Variants in PCNX4 observed in about 807,000 individuals in gnomAD.
The protein encoded by PCNX4 is pecanex 4.
In PCNX4, 103 loss-of-function variants were observed where a neutral mutation model predicts 107.2. The ratio of observed to expected loss-of-function variants is 0.96; its 90% CI spans 0.82 to 1.13. The LOEUF (loss-of-function observed/expected upper bound fraction) is 1.13, where lower values mean the gene tolerates loss of function less well. Among genes scored for constraint, PCNX4 ranks in the 50% most tolerant of loss-of-function variants. PCNX4 has a pLI of 0.00. For synonymous variants in PCNX4, 541 were observed against 481.7 expected, an observed-to-expected ratio of 1.12 and a Z score of -1.61; for missense variants, 1,528 against 1,379.4, an observed-to-expected ratio of 1.11 and a Z score of -1.71.
intron 2 of PCNX4, among the ~76,000 whole-genome samples, chr14:60,111,558 A>G (rs988847641): frequency 4.6e-5 from 7 of 152,204 alleles, no homozygotes; most frequent in African/African-American, 1.7e-4. Flanking sequence ...TCAGAATACA[A>G]ATTCTTGAGT....
At chr14:60,105,725 G>A (rs1895616217) in intron 1 of PCNX4, among the ~76,000 whole-genome samples, 1 of 152,132 alleles carries the variant, frequency 6.6e-6, no homozygotes, top group Admixed American at 6.5e-5. Flanking sequence ...TACTAAAAGG[G>A]AAATGAATAG....
chr14:60,103,628 T>C (rs1489133899), intron 1 of PCNX4, among the ~76,000 whole-genome samples: 3 of 152,250 alleles, frequency 2.0e-5, no homozygotes, highest in Non-Finnish European at 1.5e-5. Context: ...CACTCAATTC[T>C]TGATTTCTCC....
At position 60,115,003 on chromosome 14, in the gene PCNX4, GA is replaced by G. The variant is rs756907810; in HGVS notation, c.901del (p.Thr301GlnfsTer3). ...TTAGTAATGTTCATCATGTCTGCTG[GA>G]ACAGCTATAGCATCATATTTCATTC... ...RLLVMFIMSA[G>X]TAIASYFIPS... On this transcript the variant is annotated frameshift_variant, in exon 4 of 11. Transcript: ENST00000406854. LOFTEE classifies it high-confidence loss of function. 7 of 1,605,874 alleles carry G rather than the reference GA, an allele frequency of 4.4e-6. No individual in the cohort carries two copies. The highest frequency in any genetic ancestry group is 6.0e-6 in the Non-Finnish European group (7 of 1,174,812).
In PCNX4 at chr14:60,107,858, G is replaced by A; in HGVS notation, c.220G>A (p.Ala74Thr). ...CATCCTGAAAGACTATTATACAGCA[G>A]CACTTTCAGGTGGATTAATGCTTTT... is the stretch of plus-strand genomic sequence containing the variant. Reference protein sequence around the residue: ...LGILKDYYTAALSGGLMLFTA... With the variant: ...LGILKDYYTATLSGGLMLFTA... The change falls in exon 2 of 11, where the codon GCA becomes ACA. Residue 74 changes from alanine to threonine, a missense_variant. By Grantham distance (58) the Ala-to-Thr change is moderately conservative. Transcript: ENST00000406854. 1 of 1,612,716 alleles carries A rather than the reference G, an allele frequency of 6.2e-7. No homozygotes were observed. Among genetic ancestry groups the A allele is most frequent in the Non-Finnish European group, 8.5e-7 (1 of 1,179,766 alleles).
At chr14:60,094,677 A>G (rs951499357) in intron 1 of PCNX4, among the ~76,000 whole-genome samples, 2 of 151,680 alleles carry the variant, frequency 1.3e-5, no homozygotes, top group Non-Finnish European at 1.5e-5. Context: ...ATAAGTCCCC[A>G]GCCTGTGAAC....
Position 60,118,467 on chromosome 14 carries a change from T to C in PCNX4, c.1717T>C (p.Ser573Pro). Residue 573 changes from serine (S) to proline (P), a missense_variant, in exon 7 of 11, where the codon TCT (serine) becomes CCT (proline). Coordinates refer to ENST00000406854, the MANE Select transcript of PCNX4 (RefSeq NM_001330177.2). ...ATLCILNIVF[S>P]PFVLVIIVFS... The stretch of plus-strand genomic sequence containing the variant: ...TTTATGTATACTCAACATTGTCTTT[T>C]CTCCATTCGTGTTGGTCATCATAGT... The C allele has an allele frequency of 6.2e-7, 1 of 1,613,734 alleles. No individual in the cohort carries two copies. The highest frequency in any genetic ancestry group is 8.5e-7 in the Non-Finnish European group (1 of 1,179,822).
chr14:60,122,140 C>CATCT (rs1374690840), intron 8 of PCNX4, among the ~76,000 whole-genome samples: 1 of 152,098 alleles, frequency 6.6e-6, no homozygotes, highest in African/African-American at 2.4e-5. Flanking sequence ...TTCTGTATCC[C>CATCT]ATCTCTTTTT....
chr14:60,124,155 C>A, intron 8 of PCNX4, 63 bp from the exon 9 acceptor site: 2 of 1,271,920 alleles, frequency 1.6e-6, no homozygotes, highest in Non-Finnish European at 2.1e-6. Flanking sequence ...ATTTACATGA[C>A]TAGTTGCTGT....
At chr14:60,096,387 T>C (rs1260433545) in intron 1 of PCNX4, among the ~76,000 whole-genome samples, 1 of 152,262 alleles carries the variant, frequency 6.6e-6, no homozygotes, top group Non-Finnish European at 1.5e-5. Flanking sequence ...AGCCTCTATA[T>C]GCCATATAAC....
At chr14:60,125,364 T>C in intron 9 of PCNX4, 113 bp downstream of exon 9, 1 of 1,152,784 alleles carries the variant, frequency 8.7e-7, no homozygotes, top group Non-Finnish European at 1.2e-6. Flanking sequence ...ATTTACTTTC[T>C]TCAAAATGAA....
chr14:60,108,736 T>C (rs1222775511), intron 2 of PCNX4: 2 of 160,024 alleles, frequency 1.2e-5, no homozygotes, highest in Non-Finnish European at 1.5e-5. Flanking sequence ...AAAATTTATT[T>C]CTAATTTTAT....
At chr14:60,121,752 A>G (rs1032541988) in intron 8 of PCNX4, among the ~76,000 whole-genome samples, 1 of 152,042 alleles carries the variant, frequency 6.6e-6, no homozygotes, top group African/African-American at 2.4e-5. Flanking sequence ...CTTTCATTCT[A>G]TCTTCAACTT....
chr14:60,098,768 T>G (rs219308), intron 1 of PCNX4, among the ~76,000 whole-genome samples: 113,701 of 151,724 alleles, frequency 0.75, 44,691 homozygotes, highest in Non-Finnish European at 0.87. Context: ...GTGAAACCCC[T>G]TCTCTGCTCA....
chr14:60,144,967 C>CA lies in PCNX4; in HGVS notation c.*10747dup. On this transcript the variant is annotated 3_prime_UTR_variant, in exon 11 of 11. Coordinates refer to ENST00000406854, the MANE Select transcript of PCNX4 (RefSeq NM_001330177.2). ...GCTTGAAAAGTACAGGTGCTCTTTT[C>CA]AGTCATGTTTTGTCTTAAAGATTTT... 6.2e-7 allele frequency: 1 copy of CA among 1,605,392 alleles called. No homozygotes were observed. Among genetic ancestry groups the CA allele is most frequent in the Non-Finnish European group, 8.5e-7 (1 of 1,176,472 alleles).
intron 1 of PCNX4, among the ~76,000 whole-genome samples, chr14:60,100,582 A>T (rs989835429): frequency 6.6e-6 from 1 of 152,224 alleles, no homozygotes; most frequent in Admixed American, 6.5e-5. Context: ...TACAGGCATG[A>T]GCCACCGTGC....
chr14:60,132,251 T>C (rs1896167940), intron 10 of PCNX4, among the ~76,000 whole-genome samples: 1 of 152,140 alleles, frequency 6.6e-6, no homozygotes, highest in Admixed American at 6.5e-5. Context: ...CTCTATACTC[T>C]CATGTGTCAA....
At position 60,124,947 on chromosome 14, in the gene PCNX4, A is replaced by T; in HGVS notation, c.2776A>T (p.Met926Leu). Residue 926 changes from methionine (M) to leucine (L), a missense_variant, in exon 9 of 11, where the codon ATG becomes TTG. Met to Leu is a conservative substitution (Grantham distance 15, BLOSUM62 2). Coordinates refer to ENST00000406854, the MANE Select transcript of PCNX4 (RefSeq NM_001330177.2). ...GACTAGCTGTATGCCCAGTTCCAAA[A>T]TGAAGGAGATGAGCTCGTTATTTCC... ...WRTSCMPSSK[M>L]KEMSSLFPED... The T allele has an allele frequency of 3.1e-6, 5 of 1,613,832 alleles. No individual in the cohort carries two copies. Among genetic ancestry groups the T allele is most frequent in the Non-Finnish European group, 4.2e-6 (5 of 1,179,760 alleles).
rs1378522510 is a variant in PCNX4, at chr14:60,108,009, C to G, written c.371C>G (p.Ala124Gly). The G allele has an allele frequency of 6.2e-7, 1 of 1,612,644 alleles. No homozygotes were observed. Among genetic ancestry groups the G allele is most frequent in the Non-Finnish European group, 8.5e-7 (1 of 1,179,810 alleles). Residue 124 changes from alanine to glycine, a missense_variant, in exon 2 of 11, where the codon GCT (alanine) becomes GGT (glycine). Coordinates refer to ENST00000406854, the MANE Select transcript of PCNX4 (RefSeq NM_001330177.2). Reference protein sequence around the residue: ...DEHEFTSCTGAETVKFLIPGK... With the variant: ...DEHEFTSCTGGETVKFLIPGK... ...CATGAATTTACCAGTTGTACTGGTG[C>G]TGAGACTGTCAAATTTCTCATTCCT...
chr14:60,116,700 TA>T (rs891424866), intron 6 of PCNX4, among the ~76,000 whole-genome samples: 1 of 151,108 alleles, frequency 6.6e-6, no homozygotes, highest in African/African-American at 2.4e-5. Flanking sequence ...TCCTACATAT[TA>T]AAAAAAAAGT....
Sources: gnomAD v4.1 joint callset for allele counts (sites outside exome capture counted in the v4.1 genomes callset) on GRCh38, gnomAD v4.1.1 for gene constraint, MANE v1.5 for transcripts, NCBI Gene and HGNC (gene_info 2026-07-23, HGNC 2026-07-21) for gene names.